GABBR2: variants seen among roughly 807,000 people sequenced by gnomAD.
The protein encoded by GABBR2 is gamma-aminobutyric acid type B receptor subunit 2, also known as G-protein coupled receptor 51.
In GABBR2, 23 loss-of-function variants were observed where a neutral mutation model predicts 105.6. That is an observed-to-expected ratio of 0.22 (90% CI 0.16 to 0.31). The LOEUF is 0.31. Among genes scored for constraint, GABBR2 ranks in the 10% least tolerant of loss-of-function variants. The pLI is 1.00. For synonymous variants in GABBR2, 478 were observed against 499.7 expected (o/e 0.96, Z 0.58); for missense variants, 734 against 1,245.5 (o/e 0.59, Z 6.18).
intron 1 of GABBR2, among the ~76,000 whole-genome samples, chr9:98,587,038 A>C (rs1829087643): frequency 6.6e-6 from 1 of 152,180 alleles, no homozygotes; most frequent in Non-Finnish European, 1.5e-5. Context: ...TTACACTCCC[A>C]ACAGCAGTGT....
At chr9:98,616,751 CA>C (rs35879049) in intron 1 of GABBR2, among the ~76,000 whole-genome samples, 33 of 143,610 alleles carry the variant, frequency 2.3e-4, no homozygotes, top group East Asian at 1.5e-3. Context: ...GACTCCGTCT[CA>C]AAAAAAAAAA....
rs572102376 is a variant in GABBR2, at chr9:98,483,089, C to T, written c.733-2092G>A. ...GTTGGATTCTCTCAGGCACCTCCAG[C>T]GCAACATGTCCCAAGCTGAATCCAC... On this transcript the variant is annotated intron_variant, in intron 4 of 18. Coordinates refer to ENST00000259455, the MANE Select transcript of GABBR2 (RefSeq NM_005458.8). 8.6e-4 allele frequency among the ~76,000 whole-genome samples: 131 copies of T among 152,230 alleles called. 2 individuals carry two copies. Among genetic ancestry groups the T allele is most frequent in the African/African-American group, 2.9e-3 (119 of 41,530 alleles).
At chr9:98,324,941 TAC>T (rs1201770520) in intron 13 of GABBR2, among the ~76,000 whole-genome samples, 4 of 151,408 alleles carry the variant, frequency 2.6e-5, no homozygotes, top group Non-Finnish European at 5.9e-5. Flanking sequence ...CACACACATA[TAC>T]ACACACACGC....
chr9:98,633,116 C>T (rs1829835469), intron 1 of GABBR2, among the ~76,000 whole-genome samples: 1 of 152,110 alleles, frequency 6.6e-6, no homozygotes, highest in Non-Finnish European at 1.5e-5. Context: ...GTGAAGTCAC[C>T]CAGCTTGGAA....
At chr9:98,561,132 G>T (rs1828668638) in intron 2 of GABBR2, among the ~76,000 whole-genome samples, 2 of 151,846 alleles carry the variant, frequency 1.3e-5, no homozygotes, top group African/African-American at 4.8e-5. Context: ...GCCTAGGTTG[G>T]CTTTATATGG....
At chr9:98,550,815 C>T (rs1431716133) in intron 2 of GABBR2, among the ~76,000 whole-genome samples, 2 of 152,210 alleles carry the variant, frequency 1.3e-5, no homozygotes, top group African/African-American at 4.8e-5. Flanking sequence ...AAGTCCCCTG[C>T]ATTCCCTGTG....
chr9:98,670,767 T>A (rs1030949885), intron 1 of GABBR2, among the ~76,000 whole-genome samples: 6 of 152,208 alleles, frequency 3.9e-5, no homozygotes. Context: ...TCATCTGAGG[T>A]ACCTGGAGTA....
intron 1 of GABBR2, among the ~76,000 whole-genome samples, chr9:98,641,064 C>T (rs984010783): frequency 2.0e-5 from 3 of 152,054 alleles, no homozygotes; most frequent in African/African-American, 2.4e-5. Flanking sequence ...CCCTCCACCC[C>T]TATTGAGGCA....
intron 1 of GABBR2, among the ~76,000 whole-genome samples, chr9:98,613,264 C>T (rs1422361932): frequency 6.6e-6 from 1 of 152,014 alleles, no homozygotes; most frequent in Non-Finnish European, 1.5e-5. Context: ...CATAATGAGA[C>T]CCAATCTCTA....
At chr9:98,474,768 C>G (rs1340214134) in intron 5 of GABBR2, among the ~76,000 whole-genome samples, 1 of 152,134 alleles carries the variant, frequency 6.6e-6, no homozygotes, top group Non-Finnish European at 1.5e-5. Context: ...AAGTGAGGGT[C>G]TGTCCACAGA....
intron 7 of GABBR2, among the ~76,000 whole-genome samples, chr9:98,425,193 G>A (rs1460932442): frequency 6.6e-6 from 1 of 152,042 alleles, no homozygotes; most frequent in East Asian, 1.9e-4. Flanking sequence ...GAATGGCAGT[G>A]AGAAATGGGG....
rs57747633 is a variant in GABBR2 at position 98,465,121 on chromosome 9, T to TAAAAAAAAAAAAAA, written c.999+8011_999+8024dup. ...ACACCCAAGAATGATCAATAAATAC[T>TAAAAAAAAAAAAAA]AAAAAAAAAAAAAAAAAAAAAAAAA... is the stretch of plus-strand genomic sequence containing the variant. On this transcript the variant is annotated intron_variant, in intron 6 of 18. Transcript: ENST00000259455. Among the ~76,000 whole-genome samples the TAAAAAAAAAAAAAA allele has an allele frequency of 1.4e-3, 31 of 22,000 alleles. 1 individual carries two copies. The highest frequency in any genetic ancestry group is 5.6e-3 in the East Asian group (2 of 360). The allele number at this position is 22,000 out of a possible 152,430, so 14.4% of individuals were successfully genotyped here.
chr9:98,631,947 T>C (rs1829820598), intron 1 of GABBR2, among the ~76,000 whole-genome samples: 1 of 152,242 alleles, frequency 6.6e-6, no homozygotes, highest in South Asian at 2.1e-4. Context: ...GATTTCAGAC[T>C]TGAGGTTATG....
At chr9:98,554,755 C>T (rs1828557010) in intron 2 of GABBR2, among the ~76,000 whole-genome samples, 1 of 152,174 alleles carries the variant, frequency 6.6e-6, no homozygotes, top group Non-Finnish European at 1.5e-5. Context: ...TCTTCACTCC[C>T]TTCTTTAACA....
chr9:98,303,352 C>A lies in GABBR2; in HGVS notation c.2301G>T (p.Lys767Asn), dbSNP rs759681193. 1.9e-6 allele frequency: 3 copies of A among 1,613,866 alleles called. No individual in the cohort carries two copies. In the South Asian group the frequency reaches 3.3e-5, roughly 18 times the overall value. Residue 767 changes from lysine (K) to asparagine (N), a missense_variant, in exon 16 of 19, where the codon AAG becomes AAT. Physicochemically the swap from Lys to Asn is moderately conservative, Grantham distance 94. Coordinates refer to ENST00000259455, the MANE Select transcript of GABBR2 (RefSeq NM_005458.8). The part of the protein sequence containing the change: ...NRRFQFTQNQ[K>N]KEDSKTSTSV... ...AGGTGGACGTTTTAGAATCTTCTTT[C>A]TTCTGATTCTGAGTGAACTGGAATC...
intron 1 of GABBR2, among the ~76,000 whole-genome samples, chr9:98,658,911 A>C (rs559205813): frequency 6.6e-6 from 1 of 152,360 alleles, no homozygotes; most frequent in African/African-American, 2.4e-5. Flanking sequence ...AAGGGATGTC[A>C]TGCTCTGAAA....
intron 1 of GABBR2, among the ~76,000 whole-genome samples, chr9:98,674,392 T>C (rs1394310000): frequency 6.6e-6 from 1 of 152,124 alleles, no homozygotes; most frequent in Non-Finnish European, 1.5e-5. Context: ...ATAGGATCCT[T>C]CACCTTGTCC....
At chr9:98,484,662 G>A (rs1044609928) in intron 4 of GABBR2, among the ~76,000 whole-genome samples, 1 of 152,142 alleles carries the variant, frequency 6.6e-6, no homozygotes, top group Non-Finnish European at 1.5e-5. Context: ...TCTAGAGCAC[G>A]AGGAGGTGTC....
rs60411349 is a variant in GABBR2 at position 98,488,019 on chromosome 9, T to C, written c.733-7022A>G. On this transcript the variant is annotated intron_variant, in intron 4 of 18. Coordinates refer to ENST00000259455, the MANE Select transcript of GABBR2 (RefSeq NM_005458.8). ...CCGAGGCAGAGACAGTGATACAGTGTGGGAAAGGCTCCACTGACTATGGCT... is the reference window on the plus strand; with the variant it reads ...CCGAGGCAGAGACAGTGATACAGTGCGGGAAAGGCTCCACTGACTATGGCT... 9.7e-3 allele frequency among the ~76,000 whole-genome samples: 1,474 copies of C among 152,232 alleles called. 19 individuals carry two copies. The highest frequency in any genetic ancestry group is 0.034 in the African/African-American group (1,422 of 41,530).
Sources: gnomAD v4.1 joint callset for allele counts (sites outside exome capture counted in the v4.1 genomes callset) on GRCh38, gnomAD v4.1.1 for gene constraint, MANE v1.5 for transcripts, NCBI Gene and HGNC (gene_info 2026-07-23, HGNC 2026-07-21) for gene names.